CTNNA2: variants seen among roughly 807,000 people sequenced by gnomAD.
CTNNA2 encodes catenin alpha 2, also known as catenin alpha-2.
A neutral mutation model predicts 101.0 loss-of-function variants in CTNNA2; 42 were observed. The ratio of observed to expected loss-of-function variants is 0.42; its 90% CI spans 0.32 to 0.54. CTNNA2 has a LOEUF of 0.54. CTNNA2 is among the 20% of genes least tolerant of loss of function. The probability of loss-of-function intolerance (pLI) is 0.14; values close to 1 mark genes in which losing one functional copy is unlikely to be tolerated. For synonymous variants in CTNNA2, 450 were observed against 456.4 expected (o/e 0.99, Z 0.18); for missense variants, 871 against 1,223.1 (o/e 0.71, Z 4.29).
intron 2 of CTNNA2, among the ~76,000 whole-genome samples, chr2:79,250,970 C>T (rs1044213019): frequency 2.0e-4 from 31 of 152,080 alleles, no homozygotes; most frequent in African/African-American, 5.6e-4. Context: ...TAAATGCAAA[C>T]GAGTTTATTT....
chr2:80,220,661 A>G (rs1159092055), intron 7 of CTNNA2, among the ~76,000 whole-genome samples: 2 of 152,244 alleles, frequency 1.3e-5, no homozygotes, highest in Non-Finnish European at 2.9e-5. Flanking sequence ...CTTTGCAGTG[A>G]TTTCTTCCAT....
intron 14 of CTNNA2, among the ~76,000 whole-genome samples, chr2:80,583,099 T>C (rs1695677125): frequency 6.6e-6 from 1 of 152,208 alleles, no homozygotes; most frequent in Non-Finnish European, 1.5e-5. Flanking sequence ...ATTAGAACCA[T>C]GCTCAAAGCT....
At chr2:79,774,357 CTGTAT>C (rs1279199449) in intron 3 of CTNNA2, among the ~76,000 whole-genome samples, 1 of 152,162 alleles carries the variant, frequency 6.6e-6, no homozygotes, top group African/African-American at 2.4e-5. Flanking sequence ...TTGAAAGCCT[CTGTAT>C]TAGAAAGTTC....
chr2:80,044,677 A>T (rs1348945281), intron 7 of CTNNA2, among the ~76,000 whole-genome samples: 1 of 152,114 alleles, frequency 6.6e-6, no homozygotes, highest in Non-Finnish European at 1.5e-5. Flanking sequence ...TATGGAACTT[A>T]CAGCACTGGA....
chr2:80,127,476 A>G (rs1254195559), intron 7 of CTNNA2, among the ~76,000 whole-genome samples: 2 of 152,184 alleles, frequency 1.3e-5, no homozygotes, highest in Admixed American at 6.5e-5. Flanking sequence ...ACCATCTAAC[A>G]TGACAGATGT....
intron 2 of CTNNA2, among the ~76,000 whole-genome samples, chr2:79,675,794 A>G (rs1035187111): frequency 1.2e-4 from 19 of 152,234 alleles, no homozygotes; most frequent in Non-Finnish European, 1.8e-4. Flanking sequence ...TTAATGCACG[A>G]ATATGTTTCT....
intron 4 of CTNNA2, among the ~76,000 whole-genome samples, chr2:79,439,920 T>C (rs1678758638): frequency 6.6e-6 from 1 of 152,230 alleles, no homozygotes; most frequent in Non-Finnish European, 1.5e-5. Context: ...CCTGAATGAC[T>C]CTTTCCCTTG....
At chr2:80,307,609 T>C (rs1677153668) in intron 7 of CTNNA2, among the ~76,000 whole-genome samples, 1 of 152,230 alleles carries the variant, frequency 6.6e-6, no homozygotes, top group South Asian at 2.1e-4. Flanking sequence ...TGGATCAATC[T>C]CTTCTTCCCG....
intron 3 of CTNNA2, among the ~76,000 whole-genome samples, chr2:79,818,559 C>T (rs1280685974): frequency 6.6e-6 from 1 of 151,812 alleles, no homozygotes; most frequent in Non-Finnish European, 1.5e-5. Flanking sequence ...TTGTGATCCA[C>T]TCACCTCGGC....
chr2:80,311,624 G>T (rs1479856649), intron 7 of CTNNA2, among the ~76,000 whole-genome samples: 1 of 152,200 alleles, frequency 6.6e-6, no homozygotes, highest in Non-Finnish European at 1.5e-5. Flanking sequence ...TTTTCACAAA[G>T]CCATTAATAT....
intron 4 of CTNNA2, among the ~76,000 whole-genome samples, chr2:79,479,210 A>G (rs2104554510): frequency 6.6e-6 from 1 of 152,298 alleles, no homozygotes; most frequent in East Asian, 1.9e-4. Flanking sequence ...TCTGTTTTTG[A>G]TGCTCATTAA....
intron 7 of CTNNA2, among the ~76,000 whole-genome samples, chr2:80,072,092 T>G (rs1008419055): frequency 1.3e-5 from 2 of 152,128 alleles, no homozygotes; most frequent in African/African-American, 4.8e-5. Context: ...CTCCACAAAT[T>G]CTCAATTAGA....
chr2:80,132,840 C>T (rs531531894), intron 7 of CTNNA2, among the ~76,000 whole-genome samples: 8 of 152,112 alleles, frequency 5.3e-5, no homozygotes, highest in African/African-American at 1.9e-4. Context: ...ATTTTGTATT[C>T]CAATGTATTG....
intron 1 of CTNNA2, among the ~76,000 whole-genome samples, chr2:79,549,527 C>A (rs1436370864): frequency 6.6e-6 from 1 of 152,150 alleles, no homozygotes; most frequent in Non-Finnish European, 1.5e-5. Context: ...AGTATATACT[C>A]TTTTCTTTGT....
intron 7 of CTNNA2, among the ~76,000 whole-genome samples, chr2:80,294,324 C>CTAAT (rs1186068266): frequency 1.3e-5 from 2 of 152,154 alleles, no homozygotes; most frequent in Admixed American, 1.3e-4. Context: ...TGCTCAGAGA[C>CTAAT]TAATTCTAAG....
intron 6 of CTNNA2, among the ~76,000 whole-genome samples, chr2:79,889,018 T>C (rs987522981): frequency 2.0e-5 from 3 of 152,242 alleles, no homozygotes; most frequent in South Asian, 2.1e-4. Context: ...TTTAATACTT[T>C]AGTCTTTCTG....
intron 12 of CTNNA2, among the ~76,000 whole-genome samples, chr2:80,557,729 C>G (rs1693168590): frequency 6.6e-6 from 1 of 152,158 alleles, no homozygotes; most frequent in African/African-American, 2.4e-5. Flanking sequence ...GCTTTGACAA[C>G]AGGAGTGCCA....
intron 3 of CTNNA2, among the ~76,000 whole-genome samples, chr2:79,752,939 G>C (rs1017703529): frequency 6.6e-6 from 1 of 152,174 alleles, no homozygotes; most frequent in Non-Finnish European, 1.5e-5. Flanking sequence ...TATCTAGAAA[G>C]CAGGTAGGGA....
intron 2 of CTNNA2, among the ~76,000 whole-genome samples, chr2:79,664,705 C>CTTTTTTTT (rs67782114): frequency 4.2e-5 from 4 of 94,986 alleles, no homozygotes; most frequent in African/African-American, 1.3e-4. Flanking sequence ...TCACATTCTT[C>CTTTTTTTT]TTTTTTTTTT....
Sources: gnomAD v4.1 joint callset for allele counts (sites outside exome capture counted in the v4.1 genomes callset) on GRCh38, gnomAD v4.1.1 for gene constraint, MANE v1.5 for transcripts, NCBI Gene and HGNC (gene_info 2026-07-23, HGNC 2026-07-21) for gene names.